Variants in LONRF3 observed in about 807,000 individuals in gnomAD.
The protein encoded by LONRF3 is LON peptidase N-terminal domain and ring finger 3.
A neutral mutation model predicts 51.7 loss-of-function variants in LONRF3; 19 were observed. The ratio of observed to expected loss-of-function variants is 0.37; its 90% CI spans 0.26 to 0.54. The LOEUF (loss-of-function observed/expected upper bound fraction) is 0.54. LONRF3 is among the 20% of genes least tolerant of loss of function. The pLI is 0.86. For synonymous variants in LONRF3, 265 were observed against 257.8 expected (o/e 1.03, Z -0.27); for missense variants, 521 against 623.9 (o/e 0.84, Z 1.76).
chrX:118,985,073 T>G (rs1922848137), intron 3 of LONRF3, among the ~76,000 whole-genome samples: 1 of 112,290 alleles, frequency 8.9e-6, no homozygotes, highest in Admixed American at 9.4e-5. Context: ...TGACCCCAAC[T>G]TTTGTTTTCC....
At chrX:118,993,069 A>G (rs191139992) in intron 5 of LONRF3, among the ~76,000 whole-genome samples, 6 of 111,380 alleles carry the variant, frequency 5.4e-5, no homozygotes, top group Non-Finnish European at 7.5e-5. Flanking sequence ...CCAAATGAGA[A>G]GGAACCAGAA....
At chrX:118,998,796 G>C (rs1924058740) in intron 5 of LONRF3, among the ~76,000 whole-genome samples, 1 of 111,650 alleles carries the variant, frequency 9.0e-6, no homozygotes, top group Admixed American at 9.5e-5. Context: ...CTGCCTCCCA[G>C]TTCAGGCAAT....
At chrX:118,983,324 A>C (rs1382322019) in intron 3 of LONRF3, among the ~76,000 whole-genome samples, 2 of 111,742 alleles carry the variant, frequency 1.8e-5, no homozygotes, top group African/African-American at 6.5e-5. Context: ...CTGCTGTTAC[A>C]TAACTTTTCT....
chrX:118,975,334 G>A lies in LONRF3; in HGVS notation c.554G>A (p.Gly185Glu), dbSNP rs780171124. 5 of 1,209,084 alleles carry A rather than the reference G, an allele frequency of 4.1e-6. No individual in the cohort carries two copies. Among genetic ancestry groups the A allele is most frequent in the Non-Finnish European group, 5.6e-6 (5 of 894,838 alleles). Residue 185 changes from glycine to glutamate, a missense_variant, in exon 1 of 11, where the codon GGG (glycine) becomes GAG (glutamate). By Grantham distance (98) the Gly-to-Glu change is moderately conservative. Coordinates refer to ENST00000371628, the MANE Select transcript of LONRF3 (RefSeq NM_001031855.3). ...TTTTGTAAACTGTGCCTGGAACGTG[G>A]GCGGGCCGCCGACCGGCGCTGTGCG... ...HTFCKLCLERGRAADRRCALC... is the reference protein window; with the variant it reads ...HTFCKLCLERERAADRRCALC...
intron 5 of LONRF3, among the ~76,000 whole-genome samples, chrX:118,992,342 A>C (rs1236787124): frequency 9.0e-6 from 1 of 111,603 alleles, no homozygotes; most frequent in Non-Finnish European, 1.9e-5. Context: ...GCACGGTGGA[A>C]GTGAGACTGG....
chrX:118,992,413 T>A (rs1454548601), intron 5 of LONRF3, among the ~76,000 whole-genome samples: 1 of 111,033 alleles, frequency 9.0e-6, no homozygotes, highest in Admixed American at 9.5e-5. Context: ...CCAACTTCCC[T>A]GGTAACCTGC....
At chrX:118,975,674 G>A (rs1442688989) in intron 1 of LONRF3, 77 bp downstream of exon 1, 6 of 778,705 alleles carry the variant, frequency 7.7e-6, no homozygotes, top group East Asian at 5.8e-5. Context: ...ACCCCGCAGC[G>A]AGAAGGGATT....
At chrX:118,984,023 A>T (rs1296031542) in intron 3 of LONRF3, among the ~76,000 whole-genome samples, 2 of 112,113 alleles carry the variant, frequency 1.8e-5, no homozygotes, top group Non-Finnish European at 3.8e-5. Flanking sequence ...GTAGTCCATG[A>T]TGTAATGATA....
chrX:118,990,291 C>G (rs1458588574), intron 4 of LONRF3, among the ~76,000 whole-genome samples, 179 bp from the exon 5 acceptor site: 1 of 111,727 alleles, frequency 9.0e-6, no homozygotes, highest in Non-Finnish European at 1.9e-5. Context: ...CTGGAAACCT[C>G]TGAGAGCCTA....
intron 1 of LONRF3, among the ~76,000 whole-genome samples, chrX:118,978,120 C>T (rs941561314): frequency 9.0e-6 from 1 of 111,132 alleles, no homozygotes; most frequent in East Asian, 2.8e-4. Context: ...CACTTGTGAG[C>T]GGGGGCAAAA....
At chrX:119,008,056 A>G (rs1268735148) in intron 6 of LONRF3, among the ~76,000 whole-genome samples, 1 of 111,709 alleles carries the variant, frequency 9.0e-6, no homozygotes, top group African/African-American at 3.3e-5. Context: ...TGGGAAATGC[A>G]GTTGATTTTC....
rs750938200 is a variant in LONRF3, at chrX:119,009,267, T to C, written c.1652+20T>C. 8.4e-7 allele frequency: 1 copy of C among 1,191,010 alleles called. No homozygotes were observed. The highest frequency in any genetic ancestry group is 3.0e-5 in the East Asian group (1 of 33,310). ...TTCTAAGTATGTATATGCATATTTC[T>C]GTTTTGTTTCACTCATACCAGCTCA... is the stretch of plus-strand genomic sequence containing the variant. On this transcript the variant is annotated intron_variant, in intron 7 of 10. Coordinates refer to ENST00000371628, the MANE Select transcript of LONRF3 (RefSeq NM_001031855.3).
chrX:119,002,608 A>T (rs1924396577), intron 5 of LONRF3, among the ~76,000 whole-genome samples: 1 of 110,990 alleles, frequency 9.0e-6, no homozygotes, highest in Non-Finnish European at 1.9e-5. Context: ...GCTGGTGCTT[A>T]TAAGTGTTTG....
chrX:119,007,572 C>T (rs906393495), intron 6 of LONRF3, among the ~76,000 whole-genome samples: 9 of 112,376 alleles, frequency 8.0e-5, no homozygotes, highest in African/African-American at 2.9e-4. Flanking sequence ...GTTAATGTTC[C>T]TTGACCCCTG....
In LONRF3 at chrX:118,975,080, G is replaced by C; in HGVS notation, c.300G>C (p.Val100=). The C allele has an allele frequency of 8.5e-7, 1 of 1,174,349 alleles. No individual in the cohort carries two copies. Among genetic ancestry groups the C allele is most frequent in the Non-Finnish European group, 1.1e-6 (1 of 877,167 alleles). ...AGCTCTCCGAGCGGCAGCAGCTGGT[G>C]GCTGAGCAGCTGGAGCAGCTGGTGC... The part of the protein sequence containing the change: ...YRQLSERQQL[V]AEQLEQLVRC... Residue 100 remains valine, a synonymous_variant, in exon 1 of 11, where the codon GTG becomes GTC. Transcript: ENST00000371628.
intron 7 of LONRF3, among the ~76,000 whole-genome samples, chrX:119,011,220 C>T (rs1210095369): frequency 1.8e-5 from 2 of 111,240 alleles, no homozygotes; most frequent in Non-Finnish European, 3.8e-5. Context: ...TTGAAGAGCC[C>T]CTGTTGATTC....
Position 118,989,307 on chromosome X carries a change from G to A in LONRF3, c.1060-101G>A, listed in dbSNP as rs1247303007. The A allele has an allele frequency of 8.1e-6, 8 of 985,137 alleles. No individual in the cohort carries two copies. The East Asian group carries it at 2.4e-4, about 30-fold the overall frequency. 81.2% of individuals were successfully genotyped at this position (985,137 alleles called of 1,213,427 possible). A position where few individuals can be genotyped will look rare whatever the true frequency, so the allele number is the denominator to read the frequency against. On this transcript the variant is annotated intron_variant, in intron 3 of 10. Transcript: ENST00000371628. ...GTGTCCACTATGAGTTCGGGGTGGG[G>A]ATCAGGACTCTATAGTTTCCCTTTG...
chrX:119,014,771 A>AT (rs1041446078), intron 10 of LONRF3, among the ~76,000 whole-genome samples: 1 of 111,479 alleles, frequency 9.0e-6, no homozygotes, highest in Admixed American at 9.5e-5. Flanking sequence ...AGGTAACTTC[A>AT]TAACCCTCTC....
Position 118,975,117 on chromosome X carries a change from G to C in LONRF3, c.337G>C (p.Glu113Gln), listed in dbSNP as rs1373539646. The C allele has an allele frequency of 8.5e-7, 1 of 1,170,607 alleles. No individual in the cohort carries two copies. The highest frequency in any genetic ancestry group is 1.1e-6 in the Non-Finnish European group (1 of 875,279). Residue 113 changes from glutamate to glutamine, a missense_variant, in exon 1 of 11, where the codon GAG becomes CAG. By Grantham distance (29) the Glu-to-Gln change is conservative. Around this residue, in one of 2 missense-constraint regions of LONRF3, gnomAD observed 376 missense variants for 376.7 expected, o/e 1.00. Coordinates refer to ENST00000371628, the MANE Select transcript of LONRF3 (RefSeq NM_001031855.3). Reference sequence around the variant, plus strand: ...GGAGCAGCTGGTGCGCTGCCTGGCGGAGAAAGTCCCGCAAGGCGAGGCGCT... The same window carrying C: ...GGAGCAGCTGGTGCGCTGCCTGGCGCAGAAAGTCCCGCAAGGCGAGGCGCT... ...QLEQLVRCLA[E>Q]KVPQGEALAP...
Sources: gnomAD v4.1 joint callset for allele counts (sites outside exome capture counted in the v4.1 genomes callset) on GRCh38, gnomAD v4.1.1 for gene constraint, gnomAD v4.1.1 regional missense constraint, MANE v1.5 for transcripts, NCBI Gene and HGNC (gene_info 2026-07-23, HGNC 2026-07-21) for gene names.